The following U2SURP variants were observed in gnomAD, a reference collection of about 807,000 sequenced individuals.
The protein encoded by U2SURP is U2 snRNP-associated SURP motif-containing protein.
Under a neutral mutation model 144.9 loss-of-function variants are expected in U2SURP, and 9 were observed. The observed-to-expected ratio is 0.06, with a 90% CI of 0.04 to 0.11. The LOEUF (loss-of-function observed/expected upper bound fraction) is 0.11. U2SURP is among the 10% of genes least tolerant of loss of function. The pLI is 1.00. For missense variants in U2SURP, 724 were observed against 1,226.7 expected, an observed-to-expected ratio of 0.59 and a Z score of 6.12; for synonymous variants, 408 against 396.8, an observed-to-expected ratio of 1.03 and a Z score of -0.33.
intron 1 of U2SURP, among the ~76,000 whole-genome samples, chr3:143,009,351 A>G (rs1463278898): frequency 1.3e-5 from 2 of 152,048 alleles, no homozygotes; most frequent in Non-Finnish European, 2.9e-5. Context: ...TAATCCTAGC[A>G]CTTTCAGAGG....
intron 1 of U2SURP, among the ~76,000 whole-genome samples, chr3:143,008,216 G>A (rs529762892): frequency 5.3e-5 from 8 of 152,252 alleles, no homozygotes; most frequent in East Asian, 1.9e-4. Flanking sequence ...GAATGGTTAC[G>A]CAAGTGAGAT....
chr3:143,051,896 G>A (rs536056461), intron 25 of U2SURP, among the ~76,000 whole-genome samples: 1 of 151,944 alleles, frequency 6.6e-6, no homozygotes, highest in African/African-American at 2.4e-5. Context: ...TATTATTACT[G>A]TTACTCTTCA....
At position 143,054,962 on chromosome 3, in the gene U2SURP, TC is replaced by T. The variant is rs1560209899; in HGVS notation, c.2799del (p.Ser934AlafsTer11). On this transcript the variant is annotated frameshift_variant, in exon 27 of 28. Coordinates refer to ENST00000473835, the MANE Select transcript of U2SURP (RefSeq NM_001080415.2). LOFTEE classifies it high-confidence loss of function. The part of the protein sequence containing the change: ...RKERKRRHST[S>X]PSPSRSSSGR... ...CCATAGGAAGAGGCGACACAGTACA[TC>T]CCCCAGCCCATCTCGCAGTAGCAGT... 1 of 1,606,876 alleles carries T rather than the reference TC, an allele frequency of 6.2e-7. No individual in the cohort carries two copies. Among genetic ancestry groups the T allele is most frequent in the Admixed American group, 1.7e-5 (1 of 58,428 alleles).
intron 18 of U2SURP, among the ~76,000 whole-genome samples, chr3:143,033,934 A>G (rs1181900538): frequency 1.1e-4 from 17 of 152,204 alleles, no homozygotes; most frequent in Admixed American, 7.2e-4. Context: ...ACTTTATTGC[A>G]TATCTAGCTA....
chr3:143,038,129 A>G lies in U2SURP; in HGVS notation c.2243A>G (p.Lys748Arg), dbSNP rs775636851. The G allele has an allele frequency of 6.2e-7, 1 of 1,605,990 alleles. No homozygotes were observed. Residue 748 changes from lysine to arginine, a missense_variant, in exon 22 of 28, where the codon AAA (lysine) becomes AGA (arginine). Physicochemically the swap from Lys to Arg is conservative, Grantham distance 26. Around this residue, in one of 13 missense-constraint regions of U2SURP, gnomAD observed 116 missense variants for 167.9 expected, o/e 0.69. Transcript: ENST00000473835. ...GVPLDATEDS[K>R]KNEPIFKVAP... ...ATAGTGGATGCAACTGAAGACTCAA[A>G]AAAGAATGAGCCTATATTTAAAGTT...
At chr3:143,016,665 G>T (rs940764676) in intron 5 of U2SURP, among the ~76,000 whole-genome samples, 177 bp from the exon 6 acceptor site, 2 of 152,040 alleles carry the variant, frequency 1.3e-5, no homozygotes, top group Non-Finnish European at 2.9e-5. Context: ...TCATAGTTTT[G>T]CTATGAAATG....
At chr3:143,036,778 G>C (rs1348937532) in intron 20 of U2SURP, 1 of 162,224 alleles carries the variant, frequency 6.2e-6, no homozygotes, top group Non-Finnish European at 1.3e-5. Flanking sequence ...CTCTTTAAGT[G>C]AAACTTAGTA....
Position 143,021,330 on chromosome 3 carries a change from CTTCTT to C in U2SURP, c.734-15_734-11del, listed in dbSNP as rs763050441. On this transcript the variant is annotated splice_polypyrimidine_tract_variant and intron_variant, in intron 8 of 27. Coordinates refer to ENST00000473835, the MANE Select transcript of U2SURP (RefSeq NM_001080415.2). The stretch of plus-strand genomic sequence containing the variant: ...CTGTATTATAAAAACTAATAATTGT[CTTCTT>C]TTCTCCCCTTTAAGTGGACGCGCCT... The C allele has an allele frequency of 1.5e-5, 23 of 1,577,672 alleles. No homozygotes were observed. Among genetic ancestry groups the C allele is most frequent in the East Asian group, 2.3e-5 (1 of 43,468 alleles).
intron 16 of U2SURP, 58 bp downstream of exon 16, chr3:143,028,704 A>T: frequency 1.4e-6 from 2 of 1,417,340 alleles, no homozygotes; most frequent in Non-Finnish European, 1.9e-6. Flanking sequence ...TGGTTGCTTT[A>T]ATTAATGGTC....
chr3:143,043,569 C>T (rs1934234071), intron 24 of U2SURP, among the ~76,000 whole-genome samples: 1 of 152,078 alleles, frequency 6.6e-6, no homozygotes, highest in African/African-American at 2.4e-5. Flanking sequence ...TACTTGCTTG[C>T]TTGCTTATTT....
At chr3:143,007,608 A>G (rs1008357041) in intron 1 of U2SURP, among the ~76,000 whole-genome samples, 5 of 151,696 alleles carry the variant, frequency 3.3e-5, no homozygotes, top group African/African-American at 1.2e-4. Flanking sequence ...CACCTGGCCA[A>G]TTTTTTGTAT....
At chr3:143,019,793 G>A (rs1936544766) in intron 6 of U2SURP, among the ~76,000 whole-genome samples, 176 bp from the exon 7 acceptor site, 2 of 152,104 alleles carry the variant, frequency 1.3e-5, no homozygotes, top group African/African-American at 4.8e-5. Context: ...TTAATTGTTT[G>A]TTATTTTGAA....
intron 21 of U2SURP, among the ~76,000 whole-genome samples, 169 bp downstream of exon 21, chr3:143,037,504 T>C (rs1281031145): frequency 6.6e-6 from 1 of 152,146 alleles, no homozygotes; most frequent in Non-Finnish European, 1.5e-5. Flanking sequence ...CAGTAATACA[T>C]TTATTTGTAT....
chr3:143,019,325 C>T (rs73864926), intron 6 of U2SURP, among the ~76,000 whole-genome samples: 235 of 152,174 alleles, frequency 1.5e-3, no homozygotes, highest in African/African-American at 5.4e-3. Flanking sequence ...CTTTTGGTGT[C>T]ATATCTAAGA....
rs1030933329 is a variant in U2SURP at position 143,059,577 on chromosome 3, A to C, written c.*3127A>C. Reference sequence around the variant, plus strand: ...ATCATCATCATTATTGTTATTCAAAATAAGGGTAAATAAATCTCTGTATTG... The same window carrying C: ...ATCATCATCATTATTGTTATTCAAACTAAGGGTAAATAAATCTCTGTATTG... On this transcript the variant is annotated 3_prime_UTR_variant, in exon 28 of 28. Coordinates refer to ENST00000473835, the MANE Select transcript of U2SURP (RefSeq NM_001080415.2). The C allele has an allele frequency of 6.6e-6, 1 of 151,968 alleles. No homozygotes were observed. Among genetic ancestry groups the C allele is most frequent in the African/African-American group, 2.4e-5 (1 of 41,442 alleles). The allele number at this position is 151,968 out of a possible 1,614,324, so 9.4% of individuals were successfully genotyped here.
In U2SURP at chr3:143,060,389, G is replaced by T. The variant is rs1457324810; in HGVS notation, c.*3939G>T. 6.6e-6 allele frequency: 1 copy of T among 151,974 alleles called. No homozygotes were observed. Among genetic ancestry groups the T allele is most frequent in the Admixed American group, 6.6e-5 (1 of 15,250 alleles). 9.4% of individuals were successfully genotyped at this position (151,974 alleles called of 1,614,324 possible). On this transcript the variant is annotated 3_prime_UTR_variant, in exon 28 of 28. Coordinates refer to ENST00000473835, the MANE Select transcript of U2SURP (RefSeq NM_001080415.2). ...ATTCTATAATTTACTTACTTTTAAT[G>T]TAAGGATTAGATTTATTGTTGAGCT...
intron 24 of U2SURP, among the ~76,000 whole-genome samples, chr3:143,047,883 C>G (rs113323686): frequency 5.9e-5 from 1 of 17,052 alleles, no homozygotes; most frequent in Non-Finnish European, 1.0e-4. Context: ...GGGGGGCTGA[C>G]CCCCCCCAAC....
chr3:143,011,839 T>G, intron 2 of U2SURP: 1 of 407,058 alleles, frequency 2.5e-6, no homozygotes, highest in South Asian at 1.8e-5. Flanking sequence ...AATGTGATGT[T>G]TGTTTGAGTT....
chr3:143,054,279 G>A (rs981335953), intron 26 of U2SURP, among the ~76,000 whole-genome samples: 36 of 152,060 alleles, frequency 2.4e-4, no homozygotes, highest in Non-Finnish European at 4.6e-4. Flanking sequence ...TTACTCTCAC[G>A]GTTCCTAAAT....
Sources: allele counts gnomAD v4.1 joint callset (sites outside exome capture counted in the v4.1 genomes callset), GRCh38; gene constraint gnomAD v4.1.1; regional missense constraint gnomAD v4.1.1; transcripts MANE v1.5; gene names NCBI Gene and HGNC (gene_info 2026-07-23, HGNC 2026-07-21).